Variants in TANC2 observed in about 807,000 individuals in gnomAD.
TANC2 encodes the protein tetratricopeptide repeat, ankyrin repeat and coiled-coil containing 2.
TANC2 carries 26 observed loss-of-function variants against 210.5 expected under a neutral mutation model. The ratio of observed to expected loss-of-function variants is 0.12; its 90% confidence interval spans 0.09 to 0.17. The LOEUF (loss-of-function observed/expected upper bound fraction) is 0.17. Among genes scored for constraint, TANC2 ranks in the 10% least tolerant of loss-of-function variants. TANC2 has a pLI of 1.00. For missense variants in TANC2, 2,129 were observed against 2,608.9 expected (o/e 0.82, Z 4.01); for synonymous variants, 931 against 967.1 (o/e 0.96, Z 0.69).
chr17:63,241,108 A>G (rs1276213006), intron 8 of TANC2, among the ~76,000 whole-genome samples: 2 of 152,328 alleles, frequency 1.3e-5, no homozygotes, highest in African/African-American at 2.4e-5. Context: ...TCATCTTACT[A>G]TAGAATATAG....
At position 63,421,849 on chromosome 17, in the gene TANC2, C is replaced by T. The variant is rs367931101; in HGVS notation, c.6119C>T (p.Ala2040Val). The change falls in exon 28 of 28, where the codon GCT becomes GTT. Residue 2040 changes from alanine (A) to valine (V), a missense_variant. This residue lies in a region of TANC2 where 161 missense variants were observed against 178.6 expected (regional missense o/e 0.90). Coordinates refer to ENST00000689528, the Ensembl canonical transcript of TANC2. This position sits in a 1 kb window ranked among gnomAD's most constrained non-coding sequence, Gnocchi z 6.9. Reference sequence around the variant, plus strand: ...AAGGTAGCTCGGACTCTACCTGTGGCTCAGGCATACCAGGACAACCTGTAC... The same window carrying T: ...AAGGTAGCTCGGACTCTACCTGTGGTTCAGGCATACCAGGACAACCTGTAC... 1 of 1,614,040 alleles carries T rather than the reference C, an allele frequency of 6.2e-7. No homozygotes were observed. Among genetic ancestry groups the T allele is most frequent in the Non-Finnish European group, 8.5e-7 (1 of 1,179,908 alleles).
exon 14 of TANC2, chr17:63,354,983 A>C: frequency 6.2e-7 from 1 of 1,613,954 alleles, no homozygotes; most frequent in Non-Finnish European, 8.5e-7. Context: ...CCCTCAGTCA[A>C]GGGTCCTATC....
At chr17:63,419,082 C>A (rs2048948560) in intron 27 of TANC2, among the ~76,000 whole-genome samples, 1 of 152,222 alleles carries the variant, frequency 6.6e-6, no homozygotes, top group African/African-American at 2.4e-5. Context: ...CTTTGTGTAA[C>A]TTGTCACTGT....
At position 63,067,513 on chromosome 17, in the gene TANC2, T is replaced by C. The variant is rs2036244991; in HGVS notation, c.68-6430T>C. 3.3e-5 allele frequency among the ~76,000 whole-genome samples: 5 copies of C among 151,668 alleles called. No individual in the cohort carries two copies. The South Asian group carries it at 1.0e-3, about 31-fold the overall frequency. On this transcript the variant is annotated intron_variant, in intron 2 of 27. Transcript: ENST00000689528. The stretch of plus-strand genomic sequence containing the variant: ...TTATTAAAAATAATAATAAATAAAT[T>C]CCCAATGGGAAAAAAATTAAAAAAT...
At chr17:63,367,980 G>A (rs1425160895) in intron 14 of TANC2, among the ~76,000 whole-genome samples, 1 of 152,196 alleles carries the variant, frequency 6.6e-6, no homozygotes, top group Admixed American at 6.5e-5. Flanking sequence ...GAAATGAAGG[G>A]AAGAGACTGC....
intron 1 of TANC2, among the ~76,000 whole-genome samples, chr17:62,971,990 C>T (rs921556725): frequency 4.6e-5 from 7 of 152,194 alleles, no homozygotes; most frequent in African/African-American, 9.6e-5. Flanking sequence ...TTTTACTTTG[C>T]GTATTTAAGA....
chr17:63,372,332 G>A (rs561988630), intron 14 of TANC2, among the ~76,000 whole-genome samples: 2 of 152,088 alleles, frequency 1.3e-5, no homozygotes, highest in Non-Finnish European at 2.9e-5. Flanking sequence ...CCTGATCTGT[G>A]GACTTCTCTT....
At chr17:63,091,179 T>C (rs1439419997) in intron 3 of TANC2, among the ~76,000 whole-genome samples, 1 of 146,258 alleles carries the variant, frequency 6.8e-6, no homozygotes, top group Non-Finnish European at 1.5e-5. Flanking sequence ...ACTCTGATAG[T>C]GGTTTCTTTT....
chr17:63,099,084 T>C, intron 3 of TANC2, 91 bp from the exon 4 acceptor site: 1 of 1,259,716 alleles, frequency 7.9e-7, no homozygotes, highest in Non-Finnish European at 1.1e-6. Context: ...GTGAAAATAT[T>C]TGTTGTTCTG....
intron 5 of TANC2, among the ~76,000 whole-genome samples, chr17:63,190,473 G>A (rs1391980559): frequency 1.3e-5 from 2 of 152,192 alleles, no homozygotes; most frequent in Non-Finnish European, 2.9e-5. Context: ...TTTGAAAATA[G>A]GAAATGTGAG....
intron 5 of TANC2, chr17:63,153,021 A>C (rs1322947844): frequency 1.3e-5 from 2 of 152,170 alleles, no homozygotes; most frequent in Non-Finnish European, 2.9e-5. Context: ...TTCTTATCTG[A>C]AACAATTTTA....
In TANC2 at chr17:63,210,373, T is replaced by C. The variant is rs74999944; in HGVS notation, c.769+9416T>C. On this transcript the variant is annotated intron_variant, in intron 7 of 27. Transcript: ENST00000689528. ...ATCACACAAACCAAATCTTACTTTCTTCATGAAGCAGACTCTGATTATCCC... is the reference window on the plus strand; with the variant it reads ...ATCACACAAACCAAATCTTACTTTCCTCATGAAGCAGACTCTGATTATCCC... Among the ~76,000 whole-genome samples, 1,451 of 152,312 alleles carry C rather than the reference T, an allele frequency of 9.5e-3. 32 individuals carry two copies. The highest frequency in any genetic ancestry group is 0.031 in the African/African-American group (1,287 of 41,570).
chr17:63,135,812 A>C (rs2039071071), intron 4 of TANC2, among the ~76,000 whole-genome samples: 1 of 152,142 alleles, frequency 6.6e-6, no homozygotes, highest in Admixed American at 6.6e-5. Context: ...CAAACTTTGA[A>C]ATTTGGAACT....
intron 1 of TANC2, among the ~76,000 whole-genome samples, chr17:63,008,594 G>C (rs1451521723): frequency 2.6e-5 from 4 of 151,772 alleles, no homozygotes; most frequent in Admixed American, 2.6e-4. Context: ...TTCATGTTAT[G>C]ATTGGAATGA....
chr17:63,331,581 TAAAA>T (rs1489191558), intron 11 of TANC2, among the ~76,000 whole-genome samples: 1 of 152,192 alleles, frequency 6.6e-6, no homozygotes, highest in Non-Finnish European at 1.5e-5. Flanking sequence ...GAATGCTTTT[TAAAA>T]ATCACTCAGC....
intron 4 of TANC2, chr17:63,117,313 C>T (rs2038289870): frequency 6.6e-6 from 1 of 152,250 alleles, no homozygotes; most frequent in Non-Finnish European, 1.5e-5. Context: ...AACTGCGCCA[C>T]AGAGAAAAAT....
At chr17:63,216,578 A>G (rs1304304324) in intron 7 of TANC2, among the ~76,000 whole-genome samples, 2 of 152,182 alleles carry the variant, frequency 1.3e-5, no homozygotes, top group Non-Finnish European at 2.9e-5. Context: ...CAAAGTGAGG[A>G]CAGCCTTGTG....
intron 9 of TANC2, among the ~76,000 whole-genome samples, chr17:63,293,155 A>G (rs1242915672): frequency 3.3e-5 from 5 of 152,186 alleles, no homozygotes; most frequent in African/African-American, 4.8e-5. Flanking sequence ...CCTATTCCTG[A>G]GCACCAAGAA....
intron 9 of TANC2, among the ~76,000 whole-genome samples, chr17:63,280,500 T>C (rs1242408476): frequency 6.6e-6 from 1 of 152,084 alleles, no homozygotes; most frequent in Non-Finnish European, 1.5e-5. Context: ...ATCCTTTCCC[T>C]CCTCTTTTTA....
Sources: gnomAD v4.1 joint callset for allele counts (sites outside exome capture counted in the v4.1 genomes callset) on GRCh38, gnomAD v4.1.1 for gene constraint, gnomAD v4.1.1 regional missense constraint, Gnocchi (gnomAD v3.1) non-coding constraint, MANE v1.5 for transcripts, NCBI Gene and HGNC (gene_info 2026-07-23, HGNC 2026-07-21) for gene names.